Variants in EBF4 observed in about 807,000 individuals in gnomAD.
EBF4 encodes transcription factor COE4.
EBF4 carries 34 observed loss-of-function variants against 67.1 expected under a neutral mutation model. The observed-to-expected ratio is 0.51, with a 90% CI of 0.39 to 0.67. The LOEUF (loss-of-function observed/expected upper bound fraction) is 0.67. EBF4 is among the 30% of genes least tolerant of loss of function. The pLI, the probability that EBF4 is intolerant of heterozygous loss-of-function variation, is 0.00. For synonymous variants in EBF4, 387 were observed against 377.7 expected (o/e 1.02, Z -0.29); for missense variants, 837 against 873.3 (o/e 0.96, Z 0.52).
chr20:2,740,544 T>C (rs753137915), intron 6 of EBF4, among the ~76,000 whole-genome samples: 1 of 152,130 alleles, frequency 6.6e-6, no homozygotes, highest in Non-Finnish European at 1.5e-5. Context: ...GACAGCTTTC[T>C]CTTTGGAAGT....
intron 6 of EBF4, among the ~76,000 whole-genome samples, chr20:2,735,691 T>TC (rs1178990650): frequency 6.6e-6 from 1 of 152,196 alleles, no homozygotes. Context: ...TTGAATTCTA[T>TC]CATGAATCAA....
intron 15 of EBF4, among the ~76,000 whole-genome samples, chr20:2,757,200 C>G (rs549487896): frequency 5.2e-4 from 79 of 152,234 alleles, no homozygotes; most frequent in African/African-American, 1.9e-3. Context: ...TATGAGAGTC[C>G]GGGGACGCTG....
Position 2,693,679 on chromosome 20 carries a change from G to A in EBF4, c.34G>A (p.Gly12Arg), listed in dbSNP as rs566969362. 9 of 1,441,316 alleles carry A rather than the reference G, an allele frequency of 6.2e-6. No individual in the cohort carries two copies. The African/African-American group carries it at 1.3e-4, about 21-fold the overall frequency. The allele number at this position is 1,441,316 out of a possible 1,614,324, so 89.3% of individuals were successfully genotyped here. The change falls in exon 1 of 17, where the codon GGG (glycine) becomes AGG (arginine). Residue 12 changes from glycine (G) to arginine (R), a missense_variant. Physicochemically the swap from Gly to Arg is moderately radical, Grantham distance 125. Coordinates refer to ENST00000609451, the Ensembl canonical transcript of EBF4. The surrounding 1 kb of genome is among the most constrained non-coding windows in gnomAD (Gnocchi z 4.6). ...TGCGCAGGACGCTCTGCCCCGCAGC[G>A]GGCTGAACCTGAAGGAGGAGCCGCT... is the stretch of plus-strand genomic sequence containing the variant.
chr20:2,703,620 C>A (rs1286241431), intron 1 of EBF4, among the ~76,000 whole-genome samples: 1 of 150,288 alleles, frequency 6.7e-6, no homozygotes, highest in East Asian at 2.0e-4. Context: ...GCTGTGATTG[C>A]AGCCTGCACT....
At chr20:2,749,058 C>T (rs2088096954) in intron 7 of EBF4, among the ~76,000 whole-genome samples, 1 of 152,214 alleles carries the variant, frequency 6.6e-6, no homozygotes, top group African/African-American at 2.4e-5. Flanking sequence ...TGCTGCCCAC[C>T]TCCACTTGCC....
intron 6 of EBF4, among the ~76,000 whole-genome samples, chr20:2,727,147 A>G (rs1197877715): frequency 6.6e-6 from 1 of 152,060 alleles, no homozygotes; most frequent in African/African-American, 2.4e-5. Context: ...TTATATGTAT[A>G]TACCACCTTT....
In EBF4 at chr20:2,752,327, G is replaced by GC. The variant is rs1048434010; in HGVS notation, c.1352-25dup. 903 of 1,198,828 alleles carry GC rather than the reference G, an allele frequency of 7.5e-4. 5 individuals are homozygous for GC. The South Asian group carries it at 0.011, about 14-fold the overall frequency. 74.3% of individuals were successfully genotyped at this position (1,198,828 alleles called of 1,614,324 possible). On this transcript the variant is annotated intron_variant, in intron 13 of 16. Coordinates refer to ENST00000609451, the Ensembl canonical transcript of EBF4. ...CCACCGCCCCTCCCCGGCCGGCACC[G>GC]CCCCCTGACGGCCGCGCTCTCTCTC...
intron 3 of EBF4, 67 bp from the exon 4 acceptor site, chr20:2,706,142 T>C: frequency 6.5e-6 from 10 of 1,549,884 alleles, no homozygotes; most frequent in Non-Finnish European, 7.9e-6. Context: ...GAGGGTGTGA[T>C]GTGGTCTGGT....
chr20:2,706,062 C>G, intron 3 of EBF4, 25 bp downstream of exon 3: 1 of 1,551,112 alleles, frequency 6.4e-7, no homozygotes, highest in Non-Finnish European at 8.7e-7. Context: ...CTGCCCTACC[C>G]AGCCCTGCCC....
At chr20:2,744,681 G>A (rs1050211045) in intron 6 of EBF4, among the ~76,000 whole-genome samples, 4 of 151,468 alleles carry the variant, frequency 2.6e-5, no homozygotes, top group African/African-American at 9.7e-5. Context: ...TAATAGAGAT[G>A]GAGTTTCGCA....
intron 6 of EBF4, among the ~76,000 whole-genome samples, chr20:2,730,554 C>T (rs886925854): frequency 2.0e-5 from 3 of 152,168 alleles, no homozygotes; most frequent in African/African-American, 7.2e-5. Context: ...CTCACTACCC[C>T]CAGTAAAGGG....
At chr20:2,741,411 A>C (rs1242489813) in intron 6 of EBF4, among the ~76,000 whole-genome samples, 1 of 152,154 alleles carries the variant, frequency 6.6e-6, no homozygotes, top group African/African-American at 2.4e-5. Context: ...TGCCTTCTCT[A>C]CTGAGTGTCT....
chr20:2,755,364 G>C lies in EBF4; in HGVS notation c.1541-263G>C. ...TTTTGGGGGGTACCTCCCACTGTTT[G>C]TTTTTTTTGAATGTTCTGGTTTTGC... On this transcript the variant is annotated intron_variant, in intron 14 of 16. Transcript: ENST00000609451. The surrounding 1 kb of genome is among the most constrained non-coding windows in gnomAD (Gnocchi z 4.7). 4 of 487,472 alleles carry C rather than the reference G, an allele frequency of 8.2e-6. 1 individual carries two copies. The highest frequency in any genetic ancestry group is 1.4e-5 in the Non-Finnish European group (4 of 276,546). 30.2% of individuals were successfully genotyped at this position (487,472 alleles called of 1,614,324 possible).
In EBF4 at chr20:2,751,691, C is replaced by T. The variant is rs1043157210; in HGVS notation, c.1019-9C>T. 6 of 1,550,568 alleles carry T rather than the reference C, an allele frequency of 3.9e-6. No individual in the cohort carries two copies. Among genetic ancestry groups the T allele is most frequent in the Non-Finnish European group, 5.2e-6 (6 of 1,146,798 alleles). On this transcript the variant is annotated splice_polypyrimidine_tract_variant and intron_variant, in intron 10 of 16. Transcript: ENST00000609451. The surrounding 1 kb of genome is among the most constrained non-coding windows in gnomAD (Gnocchi z 5.2). ...GGAGACGTCCTCCAAACGCCGCCCC[C>T]TTCCCCAGCTCTGAACGAGCCCACC...
intron 1 of EBF4, among the ~76,000 whole-genome samples, chr20:2,699,223 C>T (rs911484692): frequency 1.3e-5 from 2 of 152,200 alleles, no homozygotes; most frequent in Admixed American, 1.3e-4. Context: ...CAGGCATCTG[C>T]ATACACTCTG....
chr20:2,703,256 TAAAAAA>T (rs58171984), intron 1 of EBF4, among the ~76,000 whole-genome samples: 408 of 114,120 alleles, frequency 3.6e-3, no homozygotes, highest in African/African-American at 6.6e-3. Flanking sequence ...GACCCTGTCT[TAAAAAA>T]AAAAAAAAAA....
upstream of EBF4, among the ~76,000 whole-genome samples, chr20:2,693,405 C>A (rs561477226): frequency 2.0e-5 from 3 of 151,718 alleles, no homozygotes; most frequent in African/African-American, 7.3e-5. This position sits in a 1 kb window ranked among gnomAD's most constrained non-coding sequence, Gnocchi z 4.6. Flanking sequence ...GCGCTCAGGC[C>A]GCGGGGGAAT....
chr20:2,700,791 C>T (rs1303649813), intron 1 of EBF4, among the ~76,000 whole-genome samples: 3 of 152,188 alleles, frequency 2.0e-5, no homozygotes, highest in Non-Finnish European at 4.4e-5. Context: ...TTCCATTCTA[C>T]AAGTGTTGAT....
At position 2,696,647 on chromosome 20, in the gene EBF4, C is replaced by CA. The variant is rs2087292377; in HGVS notation, c.137+2865_137+2866insA. ...AGGCAGTGGATACTTGGAGAATTAG[C>CA]TGCGCCTCCAGTAAGTGCTATGGTC... is the stretch of plus-strand genomic sequence containing the variant. On this transcript the variant is annotated intron_variant, in intron 1 of 16. Coordinates refer to ENST00000609451, the Ensembl canonical transcript of EBF4. This position sits in a 1 kb window ranked among gnomAD's most constrained non-coding sequence, Gnocchi z 4.7. Among the ~76,000 whole-genome samples the CA allele has an allele frequency of 6.6e-6, 1 of 152,138 alleles. No homozygotes were observed. Among genetic ancestry groups the CA allele is most frequent in the Non-Finnish European group, 1.5e-5 (1 of 68,016 alleles).
Sources: gnomAD v4.1 joint callset for allele counts (sites outside exome capture counted in the v4.1 genomes callset) on GRCh38, gnomAD v4.1.1 for gene constraint, Gnocchi (gnomAD v3.1) non-coding constraint, MANE v1.5 for transcripts, NCBI Gene and HGNC (gene_info 2026-07-23, HGNC 2026-07-21) for gene names.